PRKCQ: variants seen among roughly 807,000 people sequenced by gnomAD.
PRKCQ encodes protein kinase C theta, also known as protein kinase C theta type.
Under a neutral mutation model 91.2 loss-of-function variants are expected in PRKCQ, and 41 were observed. The ratio of observed to expected loss-of-function variants is 0.45; its 90% CI spans 0.35 to 0.58. The LOEUF (loss-of-function observed/expected upper bound fraction) is 0.58. PRKCQ is among the 20% of genes least tolerant of loss of function. PRKCQ has a pLI of 0.00. For synonymous variants in PRKCQ, 307 were observed against 316.9 expected, an observed-to-expected ratio of 0.97 and a Z score of 0.33; for missense variants, 673 against 896.5, an observed-to-expected ratio of 0.75 and a Z score of 3.18.
At chr10:6,434,298 T>A (rs1355984568) in intron 16 of PRKCQ, among the ~76,000 whole-genome samples, 2 of 152,178 alleles carry the variant, frequency 1.3e-5, no homozygotes, top group African/African-American at 4.8e-5. Flanking sequence ...TTCTATTTCT[T>A]CCAGTGAACA....
chr10:6,575,169 T>A (rs576500901), intron 1 of PRKCQ, among the ~76,000 whole-genome samples: 1 of 152,332 alleles, frequency 6.6e-6, no homozygotes. Flanking sequence ...AAATATCTCA[T>A]GAATTCATCA....
chr10:6,424,435 C>G (rs147877919), downstream of PRKCQ, among the ~76,000 whole-genome samples: 1 of 152,334 alleles, frequency 6.6e-6, no homozygotes, highest in Non-Finnish European at 1.5e-5. Context: ...GCTCAGTCCT[C>G]TCCTTCCGCA....
the PRKCQ span, among the ~76,000 whole-genome samples, chr10:6,410,414 C>A: frequency 1.3e-5 from 2 of 152,172 alleles, no homozygotes; most frequent in Non-Finnish European, 2.9e-5. Context: ...TGGAATACTC[C>A]ATCATACCAG....
chr10:6,486,309 G>A (rs570325274), intron 8 of PRKCQ, among the ~76,000 whole-genome samples, 165 bp from the exon 9 acceptor site: 13 of 152,312 alleles, frequency 8.5e-5, no homozygotes, highest in African/African-American at 2.9e-4. Context: ...TCCTCGTGCT[G>A]GAAGGGAAGT....
intron 16 of PRKCQ, among the ~76,000 whole-genome samples, chr10:6,433,951 A>T (rs1833548965): frequency 6.6e-6 from 1 of 150,770 alleles, no homozygotes. Context: ...GAATCATTTG[A>T]ACCTGGGAGG....
In PRKCQ at chr10:6,428,252, C is replaced by T. The variant is rs770654897; in HGVS notation, c.2076G>A (p.Arg692=). 1.9e-6 allele frequency: 3 copies of T among 1,614,044 alleles called. No individual in the cohort carries two copies. Among genetic ancestry groups the T allele is most frequent in the East Asian group, 4.5e-5 (2 of 44,896 alleles). ...TCCCGGGGTTCATGAAGGAAAAGTT[C>T]CTGAACATATTCTGGTCCATGCTGT... ...LINSMDQNMF[R]NFSFMNPGME... is the part of the protein sequence containing the mutation. Residue 692 remains arginine, a synonymous_variant, in exon 18 of 18, where the codon AGG becomes AGA. Coordinates refer to ENST00000263125, the MANE Select transcript of PRKCQ (RefSeq NM_006257.5).
the PRKCQ span, among the ~76,000 whole-genome samples, chr10:6,416,696 T>A: frequency 6.6e-6 from 1 of 152,236 alleles, no homozygotes; most frequent in Non-Finnish European, 1.5e-5. Flanking sequence ...GTCTTTTTCA[T>A]AGAAGGACTT....
chr10:6,515,572 T>C (rs911803246), intron 1 of PRKCQ: 6 of 932,216 alleles, frequency 6.4e-6, no homozygotes, highest in African/African-American at 5.4e-5. Context: ...ACTAGTTAAA[T>C]ATGACACCGC....
chr10:6,398,529 T>C, the PRKCQ span, among the ~76,000 whole-genome samples: 61,733 of 152,024 alleles, frequency 0.41, 14,459 homozygotes, highest in East Asian at 0.81. Context: ...TCATTTGGAG[T>C]GGGCATGTGA....
Position 6,483,685 on chromosome 10 carries a change from C to T in PRKCQ, c.1019-85G>A, listed in dbSNP as rs115474780. The stretch of plus-strand genomic sequence containing the variant: ...CTGAGAGCACATGCTTTCTCTTCTA[C>T]TTCCCATGCTGAGGCTCCATCATAG... On this transcript the variant is annotated intron_variant, in intron 10 of 17. Coordinates refer to ENST00000263125, the MANE Select transcript of PRKCQ (RefSeq NM_006257.5). The T allele has an allele frequency of 2.7e-6, 4 of 1,483,418 alleles. No homozygotes were observed. The African/African-American group carries it at 4.2e-5, about 16-fold the overall frequency. The allele number at this position is 1,483,418 out of a possible 1,614,324, so 91.9% of individuals were successfully genotyped here. A position where few individuals can be genotyped will look rare whatever the true frequency, so the allele number is the denominator to read the frequency against.
intron 15 of PRKCQ, among the ~76,000 whole-genome samples, chr10:6,445,958 G>C (rs1834265101): frequency 6.6e-6 from 1 of 152,178 alleles, no homozygotes; most frequent in Non-Finnish European, 1.5e-5. Context: ...AAGAAAATTT[G>C]GAAGGACAGG....
At chr10:6,540,782 T>C (rs959512802) in intron 1 of PRKCQ, among the ~76,000 whole-genome samples, 1 of 152,218 alleles carries the variant, frequency 6.6e-6, no homozygotes, top group Non-Finnish European at 1.5e-5. Flanking sequence ...GGTAACTCTG[T>C]TTAACTTTTT....
intron 1 of PRKCQ, among the ~76,000 whole-genome samples, chr10:6,563,474 A>G (rs1228594042): frequency 2.6e-5 from 4 of 151,886 alleles, no homozygotes; most frequent in Non-Finnish European, 5.9e-5. Flanking sequence ...TAAGCCCCTC[A>G]CCATGACACA....
At chr10:6,557,552 C>T (rs1840468958) in intron 1 of PRKCQ, among the ~76,000 whole-genome samples, 1 of 152,108 alleles carries the variant, frequency 6.6e-6, no homozygotes, top group South Asian at 2.1e-4. Flanking sequence ...TACATTTTGA[C>T]TTTCCTCCCC....
intron 12 of PRKCQ, among the ~76,000 whole-genome samples, chr10:6,472,256 C>A (rs1286815594): frequency 1.3e-5 from 2 of 152,038 alleles, no homozygotes; most frequent in African/African-American, 4.8e-5. Context: ...TGCAGTGAGC[C>A]GAGATCGCAC....
intron 12 of PRKCQ, among the ~76,000 whole-genome samples, chr10:6,472,449 C>T (rs549430838): frequency 3.5e-4 from 53 of 152,258 alleles, no homozygotes; most frequent in Admixed American, 1.2e-3. Context: ...TGTATTTGGA[C>T]GAGAAAACTG....
At chr10:6,536,545 T>C (rs995741432) in intron 1 of PRKCQ, among the ~76,000 whole-genome samples, 2 of 152,226 alleles carry the variant, frequency 1.3e-5, no homozygotes, top group African/African-American at 4.8e-5. Context: ...AAAATTATTC[T>C]AATAGTAAAA....
chr10:6,443,520 T>C (rs1001184061), intron 15 of PRKCQ, among the ~76,000 whole-genome samples: 25 of 152,166 alleles, frequency 1.6e-4, no homozygotes, highest in Non-Finnish European at 5.9e-5. Context: ...TGGATGAACC[T>C]GGAAAACATG....
chr10:6,553,606 T>A (rs1840293644), intron 1 of PRKCQ, among the ~76,000 whole-genome samples: 1 of 152,174 alleles, frequency 6.6e-6, no homozygotes, highest in Non-Finnish European at 1.5e-5. Context: ...TTTTCCTTCT[T>A]CTTCCTTCCT....
Sources: gnomAD v4.1 joint callset for allele counts (sites outside exome capture counted in the v4.1 genomes callset) on GRCh38, gnomAD v4.1.1 for gene constraint, MANE v1.5 for transcripts, NCBI Gene and HGNC (gene_info 2026-07-23, HGNC 2026-07-21) for gene names.